LRRC8C: variants seen among roughly 807,000 people sequenced by gnomAD.
LRRC8C encodes the protein volume-regulated anion channel subunit LRRC8C.
In LRRC8C, 20 loss-of-function variants were observed where a neutral mutation model predicts 55.3. The ratio of observed to expected loss-of-function variants is 0.36; its 90% confidence interval spans 0.25 to 0.53. The LOEUF (loss-of-function observed/expected upper bound fraction) is 0.53. LRRC8C is among the 20% of genes least tolerant of loss of function. The pLI, the probability that LRRC8C is intolerant of heterozygous loss-of-function variation, is 0.92. For synonymous variants in LRRC8C, 376 were observed against 360.7 expected, an observed-to-expected ratio of 1.04 and a Z score of -0.48; for missense variants, 659 against 951.4, an observed-to-expected ratio of 0.69 and a Z score of 4.04.
At chr1:89,648,706 C>T (rs1347249997) in intron 1 of LRRC8C, among the ~76,000 whole-genome samples, 2 of 152,050 alleles carry the variant, frequency 1.3e-5, no homozygotes, top group Non-Finnish European at 2.9e-5. Context: ...ATTTTTATCA[C>T]CCCAAAAAGT....
intron 2 of LRRC8C, among the ~76,000 whole-genome samples, chr1:89,708,271 G>A (rs774425453): frequency 6.6e-6 from 1 of 152,096 alleles, no homozygotes; most frequent in Non-Finnish European, 1.5e-5. Context: ...GAACCTCAAG[G>A]CTTTGTAGAA....
the LRRC8C span, among the ~76,000 whole-genome samples, chr1:89,627,198 C>A: frequency 6.6e-6 from 1 of 151,924 alleles, no homozygotes. Context: ...CAAAAATGAT[C>A]CTATAGCTCT....
chr1:89,620,169 G>T, the LRRC8C span, among the ~76,000 whole-genome samples: 2 of 152,132 alleles, frequency 1.3e-5, no homozygotes, highest in African/African-American at 4.8e-5. Flanking sequence ...TGGCAAAAGG[G>T]ATAAGCTCCC....
chr1:89,693,071 T>G (rs1658067700), intron 2 of LRRC8C, among the ~76,000 whole-genome samples: 1 of 152,128 alleles, frequency 6.6e-6, no homozygotes, highest in African/African-American at 2.4e-5. Flanking sequence ...CATTTCCTGC[T>G]TTCTGAATTT....
chr1:89,619,074 A>G, the LRRC8C span, among the ~76,000 whole-genome samples: 2 of 152,228 alleles, frequency 1.3e-5, no homozygotes, highest in Non-Finnish European at 2.9e-5. Flanking sequence ...AGATCATGTA[A>G]AAAAGAACAC....
At chr1:89,709,756 T>C (rs534469144) in intron 2 of LRRC8C, among the ~76,000 whole-genome samples, 36 of 87,334 alleles carry the variant, frequency 4.1e-4, no homozygotes, top group Non-Finnish European at 8.9e-4. Flanking sequence ...TTTTTGTTTG[T>C]TTTTTTTTTG....
intron 1 of LRRC8C, among the ~76,000 whole-genome samples, chr1:89,686,101 C>T (rs1236576034): frequency 7.0e-6 from 1 of 143,028 alleles, no homozygotes; most frequent in Non-Finnish European, 1.5e-5. Context: ...GTAAGATAAA[C>T]AGCAAAAACA....
intron 1 of LRRC8C, among the ~76,000 whole-genome samples, chr1:89,685,994 G>T (rs1158792583): frequency 6.7e-6 from 1 of 150,210 alleles, no homozygotes; most frequent in Non-Finnish European, 1.5e-5. Flanking sequence ...TATAAATAGG[G>T]CTCAGTAAAG....
rs1203562956 is a variant in LRRC8C, at chr1:89,718,377, A to C, written c.*3395A>C. ...CTTTGTGGAGAGGGTCTTAGACAAA[A>C]ATCTTCCTTGTATTTACTTGGGTTA... is the stretch of plus-strand genomic sequence containing the variant. On this transcript the variant is annotated 3_prime_UTR_variant, in exon 3 of 3. Transcript: ENST00000370454. 6.6e-6 allele frequency: 1 copy of C among 152,116 alleles called. No homozygotes were observed. The highest frequency in any genetic ancestry group is 2.4e-5 in the African/African-American group (1 of 41,436). The allele number at this position is 152,116 out of a possible 1,614,324, so 9.4% of individuals were successfully genotyped here. A position where few individuals can be genotyped will look rare whatever the true frequency, so the allele number is the denominator to read the frequency against.
intron 2 of LRRC8C, among the ~76,000 whole-genome samples, chr1:89,693,324 A>G (rs908391088): frequency 2.6e-5 from 4 of 152,208 alleles, no homozygotes; most frequent in Admixed American, 2.6e-4. Context: ...TCAGGTGAAA[A>G]TGCTCATAGG....
intron 1 of LRRC8C, among the ~76,000 whole-genome samples, chr1:89,651,524 C>T (rs767342728): frequency 2.2e-5 from 3 of 137,210 alleles, no homozygotes; most frequent in Admixed American, 7.6e-5. Context: ...GCTGAGATCG[C>T]GCCACTGCAC....
intron 2 of LRRC8C, among the ~76,000 whole-genome samples, chr1:89,702,639 G>A (rs1217879561): frequency 2.0e-5 from 3 of 151,934 alleles, no homozygotes. Flanking sequence ...GCACACACCT[G>A]TAGTCCCAGC....
intron 1 of LRRC8C, among the ~76,000 whole-genome samples, chr1:89,682,870 T>G (rs1657759768): frequency 6.6e-6 from 1 of 152,248 alleles, no homozygotes; most frequent in Non-Finnish European, 1.5e-5. Flanking sequence ...TCTTGTGTAA[T>G]GGAGTTGAAA....
intron 2 of LRRC8C, among the ~76,000 whole-genome samples, chr1:89,702,513 T>A (rs1658361179): frequency 6.6e-6 from 1 of 152,106 alleles, no homozygotes; most frequent in South Asian, 2.1e-4. Context: ...GGCAGGCGGA[T>A]CACTTGAGCC....
At chr1:89,622,298 T>G in the LRRC8C span, among the ~76,000 whole-genome samples, 1 of 152,020 alleles carries the variant, frequency 6.6e-6, no homozygotes, top group Non-Finnish European at 1.5e-5. Context: ...CCTGTTATCC[T>G]GTTGTTACAT....
intron 2 of LRRC8C, chr1:89,706,375 G>A: frequency 2.2e-6 from 1 of 455,228 alleles, no homozygotes; most frequent in Non-Finnish European, 4.4e-6. Flanking sequence ...ATGCAAATGT[G>A]GTACCTTTTC....
the LRRC8C span, chr1:89,626,347 T>C: frequency 6.6e-6 from 1 of 152,348 alleles, no homozygotes; most frequent in East Asian, 1.9e-4. Flanking sequence ...CAATGGACAC[T>C]GACTGGTATC....
At chr1:89,680,794 C>T (rs952681131) in intron 1 of LRRC8C, among the ~76,000 whole-genome samples, 5 of 151,952 alleles carry the variant, frequency 3.3e-5, no homozygotes, top group African/African-American at 1.2e-4. Context: ...CCTCTGATCT[C>T]AAGTGATCCA....
At chr1:89,693,555 C>T (rs529634130) in intron 2 of LRRC8C, among the ~76,000 whole-genome samples, 5 of 146,294 alleles carry the variant, frequency 3.4e-5, no homozygotes, top group East Asian at 4.4e-4. Context: ...ATACTGATTA[C>T]ATCAGAATAC....
Sources: allele counts gnomAD v4.1 joint callset (sites outside exome capture counted in the v4.1 genomes callset), GRCh38; gene constraint gnomAD v4.1.1; transcripts MANE v1.5; gene names NCBI Gene and HGNC (gene_info 2026-07-23, HGNC 2026-07-21).